The following TINAG variants were observed in gnomAD, a reference collection of about 807,000 sequenced individuals.
The protein encoded by TINAG is tubulointerstitial nephritis antigen.
TINAG carries 83 observed loss-of-function variants against 72.7 expected under a neutral mutation model. That is an observed-to-expected ratio of 1.14 (90% CI 0.96 to 1.37). TINAG has a LOEUF of 1.37. TINAG is among the 40% of genes most tolerant of loss of function. The pLI is 0.00. For missense variants in TINAG, 685 were observed against 576.6 expected, an observed-to-expected ratio of 1.19 and a Z score of -1.93; for synonymous variants, 234 against 189.9, an observed-to-expected ratio of 1.23 and a Z score of -1.91.
chr6:54,384,719 C>G (rs1441260478), intron 10 of TINAG, among the ~76,000 whole-genome samples: 1 of 152,000 alleles, frequency 6.6e-6, no homozygotes, highest in South Asian at 2.1e-4. Context: ...AAAACATACA[C>G]CAAAAGTTAC....
At chr6:54,321,472 C>T (rs944395455) in intron 3 of TINAG, 86 bp downstream of exon 3, 6 of 905,280 alleles carry the variant, frequency 6.6e-6, no homozygotes, top group Non-Finnish European at 1.0e-5. Context: ...TATAAATGGT[C>T]ATTGTTTAAA....
At chr6:54,369,512 C>T (rs1278385521) in intron 9 of TINAG, among the ~76,000 whole-genome samples, 1 of 151,730 alleles carries the variant, frequency 6.6e-6, no homozygotes, top group African/African-American at 2.4e-5. Flanking sequence ...GAGTTTTGAG[C>T]TAAAACATTA....
At chr6:54,366,254 A>G (rs199778111) in intron 9 of TINAG, among the ~76,000 whole-genome samples, 5 of 147,920 alleles carry the variant, frequency 3.4e-5, no homozygotes, top group African/African-American at 9.9e-5. Context: ...ACGTACGTGT[A>G]TGTGTGTGTG....
intron 4 of TINAG, among the ~76,000 whole-genome samples, chr6:54,337,246 A>ATTTTTTT (rs34286210): frequency 3.2e-5 from 3 of 94,080 alleles, no homozygotes; most frequent in Non-Finnish European, 2.1e-5. Context: ...TGGGATTTGA[A>ATTTTTTT]TTTTTTTTTT....
chr6:54,327,047 A>G (rs1042504509), intron 4 of TINAG, 131 bp downstream of exon 4: 166 of 1,541,790 alleles, frequency 1.1e-4, no homozygotes, highest in Non-Finnish European at 1.4e-4. Flanking sequence ...CACATAAATA[A>G]AAAACCCTTT....
At chr6:54,308,081 T>G (rs1340660), upstream of TINAG, 152,560 of 1,549,160 alleles carry the variant, frequency 0.098, 8,216 homozygotes, top group African/African-American at 0.16. Context: ...AGCCTGGATG[T>G]TCGTTTCAAT....
At chr6:54,321,485 G>C in intron 3 of TINAG, 99 bp downstream of exon 3, 1 of 775,460 alleles carries the variant, frequency 1.3e-6, no homozygotes, top group South Asian at 1.6e-5. Flanking sequence ...TGTTTAAAAA[G>C]AAAGAGTGGG....
intron 6 of TINAG, among the ~76,000 whole-genome samples, chr6:54,348,936 T>C (rs1451050689): frequency 6.6e-6 from 1 of 152,132 alleles, no homozygotes; most frequent in Non-Finnish European, 1.5e-5. Context: ...GATACTTCTA[T>C]GGCCATTTCA....
intron 9 of TINAG, among the ~76,000 whole-genome samples, chr6:54,362,225 G>T (rs976302228): frequency 6.6e-6 from 1 of 151,670 alleles, no homozygotes; most frequent in Non-Finnish European, 1.5e-5. Context: ...CTAAAGATGA[G>T]ACATCAGTGC....
intron 1 of TINAG, among the ~76,000 whole-genome samples, chr6:54,312,916 C>G (rs1444676328): frequency 6.6e-6 from 1 of 152,136 alleles, no homozygotes; most frequent in Non-Finnish European, 1.5e-5. Context: ...ACCCACTTCT[C>G]TCATCTCTGC....
chr6:54,348,485 G>A lies in TINAG; in HGVS notation c.899+968G>A, dbSNP rs558656610. ...ATTCCATAGACTGAGTGTCTTCAAC[G>A]CAAACACTGATGTTGTGGAGGCTGC... On this transcript the variant is annotated intron_variant, in intron 6 of 10. Coordinates refer to ENST00000259782, the MANE Select transcript of TINAG (RefSeq NM_014464.4). Among the ~76,000 whole-genome samples the A allele has an allele frequency of 4.6e-5, 7 of 152,122 alleles. No individual in the cohort carries two copies. The South Asian group carries it at 6.2e-4, about 14-fold the overall frequency.
intron 9 of TINAG, 134 bp downstream of exon 9, chr6:54,354,770 G>C: frequency 2.0e-6 from 2 of 1,020,140 alleles, no homozygotes; most frequent in Non-Finnish European, 2.8e-6. Flanking sequence ...TCTAAACCTT[G>C]CCACTATTTA....
chr6:54,387,033 T>C (rs1764117804), intron 10 of TINAG, among the ~76,000 whole-genome samples: 1 of 152,050 alleles, frequency 6.6e-6, no homozygotes, highest in South Asian at 2.1e-4. Context: ...TCCTCACATA[T>C]ACAATAAATA....
At position 54,308,666 on chromosome 6, in the gene TINAG, A is replaced by G. The variant is rs1399878239; in HGVS notation, c.116A>G (p.His39Arg). The G allele has an allele frequency of 1.2e-6, 2 of 1,613,788 alleles. No individual in the cohort carries two copies. Among genetic ancestry groups the G allele is most frequent in the South Asian group, 1.1e-5 (1 of 91,088 alleles). The part of the protein sequence containing the change: ...VDLEAYFTRN[H>R]TVLQGTRFKR... The stretch of plus-strand genomic sequence containing the variant: ...CTAGAGGCTTATTTCACTAGGAATC[A>G]CACCGTTTTGCAAGGTACTCGATTC... The change falls in exon 1 of 11, where the codon CAC (histidine) becomes CGC (arginine). Residue 39 changes from histidine (H) to arginine (R), a missense_variant. Physicochemically the swap from His to Arg is conservative, Grantham distance 29 (BLOSUM62 0). Transcript: ENST00000259782.
chr6:54,322,507 C>T (rs775242326), intron 3 of TINAG, among the ~76,000 whole-genome samples: 1 of 152,118 alleles, frequency 6.6e-6, no homozygotes, highest in Admixed American at 6.5e-5. Context: ...AAAGATTTCA[C>T]ATAAAAAGAT....
At chr6:54,363,495 C>A (rs1409447558) in intron 9 of TINAG, among the ~76,000 whole-genome samples, 1 of 150,770 alleles carries the variant, frequency 6.6e-6, no homozygotes, top group African/African-American at 2.4e-5. Flanking sequence ...AAGGAGAAGT[C>A]AAGAGTGATC....
rs1248306661 is a variant in TINAG at position 54,327,126 on chromosome 6, C to T, written c.624+210C>T. The T allele has an allele frequency of 1.9e-6, 3 of 1,549,162 alleles. No individual in the cohort carries two copies. The African/African-American group carries it at 4.1e-5, about 21-fold the overall frequency. Reference sequence around the variant, plus strand: ...TGCAAGTTTACTGTTACCAATTAGACATAGTCTCCTTTAGGAATGATTGAA... The same window carrying T: ...TGCAAGTTTACTGTTACCAATTAGATATAGTCTCCTTTAGGAATGATTGAA... On this transcript the variant is annotated intron_variant, in intron 4 of 10. Coordinates refer to ENST00000259782, the MANE Select transcript of TINAG (RefSeq NM_014464.4).
intron 10 of TINAG, among the ~76,000 whole-genome samples, chr6:54,383,569 G>T (rs550444180): frequency 6.6e-6 from 1 of 152,154 alleles, no homozygotes; most frequent in East Asian, 1.9e-4. Flanking sequence ...GTGAGGACTG[G>T]GTTTGTAATA....
chr6:54,386,352 C>T (rs1023148630), intron 10 of TINAG, among the ~76,000 whole-genome samples: 2 of 152,182 alleles, frequency 1.3e-5, no homozygotes, highest in East Asian at 1.9e-4. Context: ...GCTGGATCCT[C>T]TGCTCATGAT....
Sources: allele counts gnomAD v4.1 joint callset (sites outside exome capture counted in the v4.1 genomes callset), GRCh38; gene constraint gnomAD v4.1.1; transcripts MANE v1.5; gene names NCBI Gene and HGNC (gene_info 2026-07-23, HGNC 2026-07-21).